The following NXPE4 variants were observed in gnomAD, a reference collection of about 807,000 sequenced individuals.
NXPE4 encodes neurexophilin and PC-esterase domain family member 4.
NXPE4 carries 42 observed loss-of-function variants against 33.3 expected under a neutral mutation model. The observed-to-expected ratio is 1.26, with a 90% CI of 0.98 to 1.63. The LOEUF (loss-of-function observed/expected upper bound fraction) is 1.63. Among genes scored for constraint, NXPE4 ranks in the 40% most tolerant of loss-of-function variants. NXPE4 has a pLI of 0.00. For synonymous variants in NXPE4, 253 were observed against 234.9 expected (o/e 1.08, Z -0.71); for missense variants, 709 against 647.6 (o/e 1.09, Z -1.03).
intron 2 of NXPE4, among the ~76,000 whole-genome samples, chr11:114,587,267 G>A (rs528977124): frequency 5.4e-4 from 82 of 152,246 alleles, no homozygotes; most frequent in African/African-American, 1.7e-3. Flanking sequence ...TGGTTCCTAC[G>A]TTCTTTTAAG....
the NXPE4 span, among the ~76,000 whole-genome samples, chr11:114,674,987 G>T: frequency 6.6e-6 from 1 of 151,732 alleles, no homozygotes; most frequent in Admixed American, 6.6e-5. Flanking sequence ...TGGATGCAAG[G>T]ATGGTTCAAC....
At chr11:114,594,344 A>T (rs1949529741) in intron 2 of NXPE4, among the ~76,000 whole-genome samples, 1 of 152,186 alleles carries the variant, frequency 6.6e-6, no homozygotes, top group Admixed American at 6.5e-5. Context: ...AATTAAAAAC[A>T]AACAAATGAA....
chr11:114,590,134 A>G (rs1949413120), intron 2 of NXPE4, among the ~76,000 whole-genome samples: 1 of 152,232 alleles, frequency 6.6e-6, no homozygotes, highest in African/African-American at 2.4e-5. Flanking sequence ...GCATTGTCAA[A>G]GGACCTCTCT....
Position 114,582,775 on chromosome 11 carries a change from C to G in NXPE4, c.343G>C (p.Asp115His). Residue 115 changes from aspartate to histidine, a missense_variant, in exon 3 of 6, where the codon GAC becomes CAC. Coordinates refer to ENST00000375478, the MANE Select transcript of NXPE4 (RefSeq NM_001077639.2). ...LNPRDTYCRG[D>H]QLHILLEVRD... ...ACCTCCAGCAGGATGTGCAGCTGGT[C>G]TCCCCTGCAGTACGTATCTCGAGGG... 6.2e-7 allele frequency: 1 copy of G among 1,614,192 alleles called. No individual in the cohort carries two copies. The highest frequency in any genetic ancestry group is 8.5e-7 in the Non-Finnish European group (1 of 1,180,026).
At chr11:114,626,223 G>A in the NXPE4 span, among the ~76,000 whole-genome samples, 1 of 152,234 alleles carries the variant, frequency 6.6e-6, no homozygotes, top group South Asian at 2.1e-4. Context: ...TCTGGGGGCA[G>A]GGCACAGACA....
the NXPE4 span, among the ~76,000 whole-genome samples, chr11:114,601,882 A>G: frequency 9.4e-3 from 12 of 1,278 alleles, no homozygotes; most frequent in East Asian, 0.35. Context: ...TATTATATAT[A>G]ATTATATATT....
At chr11:114,609,999 T>C in the NXPE4 span, among the ~76,000 whole-genome samples, 1 of 151,866 alleles carries the variant, frequency 6.6e-6, no homozygotes, top group Non-Finnish European at 1.5e-5. Context: ...TAACCACTGT[T>C]ACCTGGTAGA....
the NXPE4 span, among the ~76,000 whole-genome samples, chr11:114,636,235 T>C: frequency 6.6e-6 from 1 of 152,096 alleles, no homozygotes; most frequent in Non-Finnish European, 1.5e-5. Context: ...TTCTAGATTC[T>C]CTAGTTTATT....
At chr11:114,572,842 A>G (rs1948920678) in intron 5 of NXPE4, among the ~76,000 whole-genome samples, 1 of 152,214 alleles carries the variant, frequency 6.6e-6, no homozygotes, top group Non-Finnish European at 1.5e-5. Context: ...CTAGACATCC[A>G]AATACAAGCA....
chr11:114,624,007 GATA>G, the NXPE4 span, among the ~76,000 whole-genome samples: 1 of 152,108 alleles, frequency 6.6e-6, no homozygotes, highest in Admixed American at 6.5e-5. Flanking sequence ...TTACCCGGTG[GATA>G]ATAAGTGTTG....
chr11:114,649,335 TG>T, the NXPE4 span, among the ~76,000 whole-genome samples: 3 of 152,194 alleles, frequency 2.0e-5, no homozygotes, highest in African/African-American at 2.4e-5. Flanking sequence ...GAAAATCTAA[TG>T]TATTTTAACT....
the NXPE4 span, among the ~76,000 whole-genome samples, chr11:114,666,294 T>C: frequency 6.6e-6 from 1 of 152,130 alleles, no homozygotes; most frequent in African/African-American, 2.4e-5. Context: ...TTACGACATT[T>C]CTTGCTAGCC....
At chr11:114,623,168 G>C in the NXPE4 span, among the ~76,000 whole-genome samples, 21 of 151,934 alleles carry the variant, frequency 1.4e-4, no homozygotes, top group Admixed American at 1.2e-3. Flanking sequence ...GTTAACCGGT[G>C]GATAATAATT....
At chr11:114,594,600 A>G in intron 2 of NXPE4, 64 bp downstream of exon 2, 1 of 1,039,194 alleles carries the variant, frequency 9.6e-7, no homozygotes, top group Non-Finnish European at 1.5e-6. Context: ...AGCCTTTCCT[A>G]GAACAGATGA....
intron 2 of NXPE4, among the ~76,000 whole-genome samples, chr11:114,594,190 T>A (rs1356318339): frequency 6.6e-6 from 1 of 152,148 alleles, no homozygotes; most frequent in Non-Finnish European, 1.5e-5. Context: ...AATTGTCTTG[T>A]TTGTAGCACA....
the NXPE4 span, among the ~76,000 whole-genome samples, chr11:114,620,448 G>T: frequency 6.6e-6 from 1 of 151,036 alleles, no homozygotes; most frequent in African/African-American, 2.4e-5. Flanking sequence ...TACCCAGTGG[G>T]TATTAATTGT....
the NXPE4 span, among the ~76,000 whole-genome samples, chr11:114,633,799 A>AT: frequency 1.3e-5 from 2 of 151,950 alleles, no homozygotes; most frequent in Admixed American, 6.6e-5. Context: ...TGAACTCACC[A>AT]TTTTTTATGG....
At chr11:114,644,233 C>T in the NXPE4 span, among the ~76,000 whole-genome samples, 4 of 152,070 alleles carry the variant, frequency 2.6e-5, no homozygotes, top group South Asian at 2.1e-4. Flanking sequence ...TCTTCCTGTT[C>T]GAATACCTTT....
At chr11:114,645,477 A>G in the NXPE4 span, among the ~76,000 whole-genome samples, 1 of 152,170 alleles carries the variant, frequency 6.6e-6, no homozygotes. Flanking sequence ...TTTCTGAAAG[A>G]CAAACAAAAA....
Sources: gnomAD v4.1 joint callset for allele counts (sites outside exome capture counted in the v4.1 genomes callset) on GRCh38, gnomAD v4.1.1 for gene constraint, MANE v1.5 for transcripts, NCBI Gene and HGNC (gene_info 2026-07-23, HGNC 2026-07-21) for gene names.